The following GPR39 variants were observed in gnomAD, a reference collection of about 807,000 sequenced individuals.
GPR39 encodes G protein-coupled receptor 39.
GPR39 carries 23 observed loss-of-function variants against 18.4 expected under a neutral mutation model. That is an observed-to-expected ratio of 1.25 (90% CI 0.90 to 1.77). The LOEUF (loss-of-function observed/expected upper bound fraction) is 1.77. GPR39 is among the 40% of genes most tolerant of loss of function. GPR39 has a pLI of 0.00. For synonymous variants in GPR39, 280 were observed against 257.9 expected, an observed-to-expected ratio of 1.09 and a Z score of -0.82; for missense variants, 647 against 602.4, an observed-to-expected ratio of 1.07 and a Z score of -0.78.
At chr2:132,627,066 G>A (rs1681558329) in intron 1 of GPR39, among the ~76,000 whole-genome samples, 1 of 151,952 alleles carries the variant, frequency 6.6e-6, no homozygotes, top group Admixed American at 6.6e-5. Context: ...TGTTTTCCTG[G>A]TTTAGCAACT....
At chr2:132,534,980 A>G (rs1048490604) in intron 1 of GPR39, among the ~76,000 whole-genome samples, 15 of 137,714 alleles carry the variant, frequency 1.1e-4, no homozygotes, top group African/African-American at 4.2e-4. Flanking sequence ...CCTAAAACCT[A>G]AAGTATAATA....
In GPR39 at chr2:132,645,369, C is replaced by T. The variant is rs1046560806; in HGVS notation, c.1125C>T (p.Arg375=). The part of the protein sequence containing the change: ...LQHANHEKRL[R]VHAHSTTDSA... ...ACGCCAACCACGAGAAGCGCCTGCGCGTACATGCGCACTCCACCACCGACA... is the reference window on the plus strand; with the variant it reads ...ACGCCAACCACGAGAAGCGCCTGCGTGTACATGCGCACTCCACCACCGACA... Residue 375 remains arginine (R), a synonymous_variant, in exon 2 of 2, where the codon CGC becomes CGT. Transcript: ENST00000329321. 43 of 1,613,802 alleles carry T rather than the reference C, an allele frequency of 2.7e-5. No individual in the cohort carries two copies. Among genetic ancestry groups the T allele is most frequent in the Non-Finnish European group, 3.5e-5 (41 of 1,180,008 alleles).
At chr2:132,420,817 G>A (rs1679994974) in intron 1 of GPR39, among the ~76,000 whole-genome samples, 1 of 152,150 alleles carries the variant, frequency 6.6e-6, no homozygotes, top group Non-Finnish European at 1.5e-5. Flanking sequence ...TCGATGTGCT[G>A]GGCTGGTGAA....
chr2:132,460,055 AT>A (rs1409837137), intron 1 of GPR39, among the ~76,000 whole-genome samples: 1 of 152,208 alleles, frequency 6.6e-6, no homozygotes, highest in Non-Finnish European at 1.5e-5. Context: ...AAGTAGAAGC[AT>A]TTTAAAATTT....
At chr2:132,466,337 A>G (rs1355683865) in intron 1 of GPR39, among the ~76,000 whole-genome samples, 2 of 152,234 alleles carry the variant, frequency 1.3e-5, no homozygotes, top group Non-Finnish European at 2.9e-5. Context: ...AAAGAGAGAA[A>G]GATAAAACCT....
intron 1 of GPR39, among the ~76,000 whole-genome samples, chr2:132,485,803 C>T (rs1012858978): frequency 2.6e-5 from 4 of 152,146 alleles, no homozygotes; most frequent in African/African-American, 7.2e-5. Flanking sequence ...CATCCGTGAA[C>T]GTTGGGATTA....
chr2:132,644,338 G>A (rs1445813034), intron 1 of GPR39, among the ~76,000 whole-genome samples: 1 of 152,212 alleles, frequency 6.6e-6, no homozygotes, highest in East Asian at 1.9e-4. Flanking sequence ...TGACAGCACA[G>A]CTCAGTGCTG....
intron 1 of GPR39, among the ~76,000 whole-genome samples, chr2:132,633,378 G>A (rs1047605642): frequency 8.0e-5 from 11 of 137,814 alleles, no homozygotes. Context: ...GTGTGTGTGT[G>A]TGTGTTGTAG....
At chr2:132,451,472 A>G (rs961655752) in intron 1 of GPR39, among the ~76,000 whole-genome samples, 3 of 152,174 alleles carry the variant, frequency 2.0e-5, no homozygotes, top group Admixed American at 2.0e-4. Flanking sequence ...ATAAATATTC[A>G]TTGAATGAAT....
intron 1 of GPR39, among the ~76,000 whole-genome samples, chr2:132,541,135 G>A (rs1006073068): frequency 5.3e-5 from 8 of 152,094 alleles, no homozygotes; most frequent in African/African-American, 1.9e-4. Flanking sequence ...CCAGGCTGGA[G>A]TGCAGTGGCA....
intron 1 of GPR39, among the ~76,000 whole-genome samples, chr2:132,623,720 T>C (rs1681487982): frequency 6.6e-6 from 1 of 152,220 alleles, no homozygotes; most frequent in African/African-American, 2.4e-5. Flanking sequence ...TTGTCTCTTC[T>C]AGCTGGAAAC....
intron 1 of GPR39, among the ~76,000 whole-genome samples, chr2:132,541,732 G>A (rs1288090452): frequency 1.3e-5 from 2 of 152,166 alleles, no homozygotes; most frequent in African/African-American, 4.8e-5. Flanking sequence ...AGAGGCAGTT[G>A]GACAAGCCTT....
chr2:132,519,152 CTG>C (rs1410046017), intron 1 of GPR39, among the ~76,000 whole-genome samples: 1 of 152,230 alleles, frequency 6.6e-6, no homozygotes, highest in Non-Finnish European at 1.5e-5. Context: ...TTTACAGTCT[CTG>C]TGAATTGGCT....
intron 1 of GPR39, among the ~76,000 whole-genome samples, chr2:132,579,520 G>A (rs1329027722): frequency 5.3e-5 from 8 of 152,018 alleles, no homozygotes; most frequent in Non-Finnish European, 4.4e-5. Context: ...CTGATGTTAT[G>A]ACTAGTTCTA....
intron 1 of GPR39, among the ~76,000 whole-genome samples, chr2:132,609,273 A>G (rs1316183732): frequency 2.0e-5 from 3 of 152,174 alleles, no homozygotes; most frequent in Non-Finnish European, 4.4e-5. Flanking sequence ...TATTCTTGTC[A>G]GGCCAGGTGC....
intron 1 of GPR39, among the ~76,000 whole-genome samples, chr2:132,636,324 C>T (rs796282863): frequency 2.6e-5 from 4 of 152,288 alleles, no homozygotes; most frequent in African/African-American, 9.6e-5. Flanking sequence ...GGTTGGAAGG[C>T]CAGGCCCTGG....
intron 1 of GPR39, among the ~76,000 whole-genome samples, chr2:132,436,976 G>A (rs11687606): frequency 1.3e-5 from 2 of 152,090 alleles, no homozygotes; most frequent in African/African-American, 2.4e-5. Context: ...TATGAGGCAG[G>A]TGCAGTTAAT....
intron 1 of GPR39, among the ~76,000 whole-genome samples, chr2:132,425,190 CT>C (rs1680095641): frequency 6.6e-6 from 1 of 152,210 alleles, no homozygotes; most frequent in Non-Finnish European, 1.5e-5. Flanking sequence ...CCTCCCACTT[CT>C]TCCATGAAGC....
In GPR39 at chr2:132,640,718, G is replaced by A. The variant is rs375331280; in HGVS notation, c.857-4383G>A. The stretch of plus-strand genomic sequence containing the variant: ...AATCTTTAATACACTCTATTAGGGC[G>A]TGAATAAGACTTTAAAGCTTTGTCT... On this transcript the variant is annotated intron_variant, in intron 1 of 1. Coordinates refer to ENST00000329321, the MANE Select transcript of GPR39 (RefSeq NM_001508.3). Among the ~76,000 whole-genome samples, 12 of 152,304 alleles carry A rather than the reference G, an allele frequency of 7.9e-5. No individual in the cohort carries two copies. In the South Asian group the frequency reaches 1.5e-3, roughly 18 times the overall value.
Sources: allele counts gnomAD v4.1 joint callset (sites outside exome capture counted in the v4.1 genomes callset), GRCh38; gene constraint gnomAD v4.1.1; transcripts MANE v1.5; gene names NCBI Gene and HGNC (gene_info 2026-07-23, HGNC 2026-07-21).